SCGN: variants seen among roughly 807,000 people sequenced by gnomAD.
SCGN encodes secretagogin.
Under a neutral mutation model 39.7 loss-of-function variants are expected in SCGN, and 30 were observed. That is an observed-to-expected ratio of 0.76 (90% CI 0.57 to 1.03). The LOEUF (loss-of-function observed/expected upper bound fraction) is 1.03, where lower values mean the gene tolerates loss of function less well. SCGN is among the 50% of genes least tolerant of loss of function. The probability of loss-of-function intolerance (pLI) is 0.00; values close to 1 mark genes in which losing one functional copy is unlikely to be tolerated. For synonymous variants in SCGN, 106 were observed against 114.1 expected (o/e 0.93, Z 0.45); for missense variants, 353 against 349.4 (o/e 1.01, Z -0.08).
intron 3 of SCGN, 113 bp downstream of exon 3, chr6:25,661,757 G>T: frequency 2.9e-6 from 2 of 699,850 alleles, no homozygotes; most frequent in South Asian, 2.2e-5. Context: ...CTTTACATTT[G>T]ATCAGGAAAT....
chr6:25,690,541 T>C (rs1026015851), intron 9 of SCGN, among the ~76,000 whole-genome samples: 1 of 152,230 alleles, frequency 6.6e-6, no homozygotes, highest in Non-Finnish European at 1.5e-5. Context: ...TAGATGTTCA[T>C]ATTTGCATGT....
At chr6:25,700,021 G>A (rs531183659) in intron 10 of SCGN, among the ~76,000 whole-genome samples, 23 of 152,078 alleles carry the variant, frequency 1.5e-4, no homozygotes, top group Admixed American at 3.9e-4. Flanking sequence ...CAAGGTGGGC[G>A]GATCACCAGG....
intron 3 of SCGN, among the ~76,000 whole-genome samples, chr6:25,663,193 T>C (rs1010674547): frequency 2.0e-5 from 3 of 152,224 alleles, no homozygotes; most frequent in Non-Finnish European, 2.9e-5. Flanking sequence ...ATTCCCTTGC[T>C]GTACCATTGA....
chr6:25,681,910 T>C (rs1358004477), intron 6 of SCGN, 41 bp from the exon 7 acceptor site: 1 of 1,522,428 alleles, frequency 6.6e-7, no homozygotes, highest in Admixed American at 1.7e-5. Context: ...TCAGAATTAG[T>C]TCCTGTTACA....
At chr6:25,671,930 C>A (rs1454449711) in intron 6 of SCGN, among the ~76,000 whole-genome samples, 1 of 152,224 alleles carries the variant, frequency 6.6e-6, no homozygotes, top group East Asian at 1.9e-4. Flanking sequence ...CATGTAGAAT[C>A]TCCAGCATGT....
At chr6:25,699,816 GT>G (rs1054271185) in intron 10 of SCGN, among the ~76,000 whole-genome samples, 1 of 152,068 alleles carries the variant, frequency 6.6e-6, no homozygotes, top group African/African-American at 2.4e-5. Flanking sequence ...GTCCTGATTG[GT>G]TAATTTAACT....
Position 25,689,172 on chromosome 6 carries a change from G to C in SCGN, c.528G>C (p.Arg176Ser), listed in dbSNP as rs1444702020. 1.9e-6 allele frequency: 3 copies of C among 1,582,154 alleles called. No individual in the cohort carries two copies. Among genetic ancestry groups the C allele is most frequent in the Non-Finnish European group, 1.7e-6 (2 of 1,160,938 alleles). ...TGGATTTTTTTTTTTTTCTATTTAG[G>C]ATTCTGGCTCTTCAGGAAAACTTCC... The part of the protein sequence containing the change: ...DGRLDLNDLA[R>S]ILALQENFLL... Residue 176 changes from arginine to serine, a missense_variant and splice_region_variant, in exon 8 of 11, where the codon AGG becomes AGC. Transcript: ENST00000377961.
intron 9 of SCGN, 31 bp downstream of exon 9, chr6:25,689,563 A>G (rs893681580): frequency 2.5e-6 from 4 of 1,589,526 alleles, no homozygotes; most frequent in African/African-American, 2.7e-5. Flanking sequence ...TGTGCTGGCC[A>G]TCTCTGAGTA....
chr6:25,661,008 A>T (rs1361132821), intron 2 of SCGN, among the ~76,000 whole-genome samples: 1 of 152,220 alleles, frequency 6.6e-6, no homozygotes. Flanking sequence ...TCTACATAGA[A>T]GGGAGTTGTA....
chr6:25,668,653 T>C (rs914291703), intron 4 of SCGN, among the ~76,000 whole-genome samples: 7 of 152,228 alleles, frequency 4.6e-5, no homozygotes, highest in African/African-American at 1.7e-4. Context: ...GTCTACCACA[T>C]GTGCAGTTTT....
chr6:25,662,763 A>C (rs567526831), intron 3 of SCGN, among the ~76,000 whole-genome samples: 1 of 152,336 alleles, frequency 6.6e-6, no homozygotes, highest in African/African-American at 2.4e-5. Context: ...TGTATATGTA[A>C]CCAAAAATTC....
intron 6 of SCGN, among the ~76,000 whole-genome samples, chr6:25,680,662 G>A (rs1048373502): frequency 3.9e-5 from 6 of 152,170 alleles, no homozygotes; most frequent in African/African-American, 1.4e-4. Flanking sequence ...AGGTGTCACA[G>A]AAAATAACTC....
intron 3 of SCGN, among the ~76,000 whole-genome samples, chr6:25,663,136 A>G (rs1028985676): frequency 6.6e-6 from 1 of 152,202 alleles, no homozygotes; most frequent in African/African-American, 2.4e-5. Flanking sequence ...TTAAAACGCA[A>G]TGAGTCTGTG....
At chr6:25,661,345 G>T (rs1760332345) in intron 2 of SCGN, among the ~76,000 whole-genome samples, 1 of 152,156 alleles carries the variant, frequency 6.6e-6, no homozygotes, top group South Asian at 2.1e-4. Flanking sequence ...ACCTAGTCAA[G>T]ATTCTGATTA....
At chr6:25,666,033 T>G (rs909662980) in intron 4 of SCGN, among the ~76,000 whole-genome samples, 4 of 151,708 alleles carry the variant, frequency 2.6e-5, no homozygotes, top group African/African-American at 7.3e-5. Context: ...ATTTATTTAT[T>G]TATTTATTTA....
At chr6:25,666,268 A>G (rs1760423433) in intron 4 of SCGN, among the ~76,000 whole-genome samples, 1 of 152,022 alleles carries the variant, frequency 6.6e-6, no homozygotes, top group African/African-American at 2.4e-5. Context: ...AGGGTGGAGA[A>G]TCACTTGAAC....
chr6:25,696,204 T>A (rs188348729), intron 10 of SCGN, among the ~76,000 whole-genome samples: 20 of 152,300 alleles, frequency 1.3e-4, no homozygotes, highest in African/African-American at 4.8e-4. Context: ...CTTTTCACTT[T>A]TAAATTGTAA....
chr6:25,654,648 T>C (rs1244570452), intron 2 of SCGN, among the ~76,000 whole-genome samples: 1 of 152,198 alleles, frequency 6.6e-6, no homozygotes, highest in Non-Finnish European at 1.5e-5. Context: ...AAAGCTCTTT[T>C]GGTCTTTCCT....
At chr6:25,688,549 C>A (rs995963150) in intron 7 of SCGN, among the ~76,000 whole-genome samples, 3 of 152,182 alleles carry the variant, frequency 2.0e-5, no homozygotes, top group African/African-American at 7.2e-5. Flanking sequence ...CGCCTGTAAT[C>A]CCCGCACTTT....
Sources: allele counts gnomAD v4.1 joint callset (sites outside exome capture counted in the v4.1 genomes callset), GRCh38; gene constraint gnomAD v4.1.1; transcripts MANE v1.5; gene names NCBI Gene and HGNC (gene_info 2026-07-23, HGNC 2026-07-21).